GRM7: variants seen among roughly 807,000 people sequenced by gnomAD.
GRM7 encodes the protein glutamate metabotropic receptor 7.
Under a neutral mutation model 84.5 loss-of-function variants are expected in GRM7, and 35 were observed. The ratio of observed to expected loss-of-function variants is 0.41; its 90% CI spans 0.32 to 0.55. The LOEUF (loss-of-function observed/expected upper bound fraction) is 0.55. Ranked by LOEUF, GRM7 falls within the 20% of genes least tolerant of loss-of-function variation. GRM7 has a pLI of 0.19. For synonymous variants in GRM7, 487 were observed against 455.1 expected, an observed-to-expected ratio of 1.07 and a Z score of -0.89; for missense variants, 1,003 against 1,194.6, an observed-to-expected ratio of 0.84 and a Z score of 2.36.
intron 7 of GRM7, among the ~76,000 whole-genome samples, chr3:7,545,527 A>T (rs967559084): frequency 1.3e-5 from 2 of 152,204 alleles, no homozygotes; most frequent in African/African-American, 2.4e-5. Flanking sequence ...ACCTTGCACA[A>T]TGCAGTAGTG....
intron 1 of GRM7, among the ~76,000 whole-genome samples, chr3:7,054,310 C>A (rs1158279375): frequency 6.8e-6 from 1 of 147,404 alleles, no homozygotes; most frequent in African/African-American, 2.5e-5. Flanking sequence ...AAATATATAT[C>A]TTTTATGATA....
At chr3:7,398,001 C>A (rs1316167358) in intron 4 of GRM7, among the ~76,000 whole-genome samples, 2 of 151,964 alleles carry the variant, frequency 1.3e-5, no homozygotes, top group African/African-American at 2.4e-5. Context: ...AAACGAAACA[C>A]CAACCCCCCA....
intron 5 of GRM7, among the ~76,000 whole-genome samples, chr3:7,437,939 G>A (rs1484636309): frequency 6.6e-6 from 1 of 151,834 alleles, no homozygotes. Context: ...ATAGAAGAAA[G>A]AGGAAATTAG....
At chr3:7,167,197 T>G (rs565935026) in intron 2 of GRM7, among the ~76,000 whole-genome samples, 2 of 152,324 alleles carry the variant, frequency 1.3e-5, no homozygotes, top group East Asian at 3.9e-4. Context: ...CTTGTTTTTA[T>G]TATCGCCAAA....
intron 4 of GRM7, among the ~76,000 whole-genome samples, chr3:7,386,782 C>T (rs972887896): frequency 3.3e-5 from 5 of 152,124 alleles, no homozygotes; most frequent in African/African-American, 1.2e-4. Flanking sequence ...TGGGCATACA[C>T]CCAGTAATTG....
rs372176187 is a variant in GRM7, at chr3:6,983,435, G to A, written c.519+121528G>A. Among the ~76,000 whole-genome samples, 41 of 152,198 alleles carry A rather than the reference G, an allele frequency of 2.7e-4. 2 individuals are homozygous for A. The South Asian group carries it at 5.0e-3, about 18-fold the overall frequency. ...TAAGGAAACTTCAGGGGATGAATGG[G>A]GAAAAGGGTCACTATCCTTAATGAT... On this transcript the variant is annotated intron_variant, in intron 1 of 9. Coordinates refer to ENST00000357716, the MANE Select transcript of GRM7 (RefSeq NM_000844.4).
At chr3:7,591,335 C>A in intron 8 of GRM7, 1 of 207,762 alleles carries the variant, frequency 4.8e-6, no homozygotes, top group Non-Finnish European at 1.0e-5. Context: ...ATATAATTTT[C>A]AGTCTTCAGA....
At chr3:7,579,409 G>A in intron 8 of GRM7, 52 bp downstream of exon 8, 1 of 1,049,472 alleles carries the variant, frequency 9.5e-7, no homozygotes, top group Non-Finnish European at 1.4e-6. Flanking sequence ...GTTCATTTTT[G>A]TAAGTACTGA....
chr3:6,975,465 T>A (rs1241731820), intron 1 of GRM7, among the ~76,000 whole-genome samples: 1 of 152,178 alleles, frequency 6.6e-6, no homozygotes, highest in Non-Finnish European at 1.5e-5. Context: ...TCTCTAGGTT[T>A]CCATTTACTT....
chr3:7,584,285 G>T (rs1411354076), intron 8 of GRM7, among the ~76,000 whole-genome samples: 1 of 152,116 alleles, frequency 6.6e-6, no homozygotes, highest in African/African-American at 2.4e-5. Flanking sequence ...TTAACTTTTG[G>T]CAAGAGTCAC....
chr3:7,439,520 A>C (rs183427374), intron 5 of GRM7, among the ~76,000 whole-genome samples: 194 of 152,240 alleles, frequency 1.3e-3, no homozygotes, highest in African/African-American at 4.5e-3. Context: ...CCAACACCCA[A>C]AACTGTGGCA....
At chr3:7,663,311 C>T (rs1699544814) in intron 8 of GRM7, among the ~76,000 whole-genome samples, 6 of 152,170 alleles carry the variant, frequency 3.9e-5, no homozygotes, top group Admixed American at 3.9e-4. Flanking sequence ...CCACTCGGCA[C>T]AAGGAACTGG....
In GRM7 at chr3:7,438,058, C is replaced by T. The variant is rs77053846; in HGVS notation, c.1175-14549C>T. ...AAGGGAGTCAGATTACACTGAGCCT[C>T]GTAGACTATGCTGAGGTTCTGATTT... On this transcript the variant is annotated intron_variant, in intron 5 of 9. Transcript: ENST00000357716. 2.9e-3 allele frequency among the ~76,000 whole-genome samples: 446 copies of T among 152,046 alleles called. 1 individual carries two copies. The highest frequency in any genetic ancestry group is 0.019 in the East Asian group (98 of 5,138).
At chr3:7,558,230 G>A (rs1360829574) in intron 7 of GRM7, among the ~76,000 whole-genome samples, 1 of 151,898 alleles carries the variant, frequency 6.6e-6, no homozygotes, top group African/African-American at 2.4e-5. Context: ...AAGTTCAGGG[G>A]AATAATTCTT....
intron 1 of GRM7, among the ~76,000 whole-genome samples, chr3:6,974,351 G>A (rs1480336580): frequency 1.3e-5 from 2 of 152,164 alleles, no homozygotes; most frequent in Admixed American, 1.3e-4. Flanking sequence ...GAGTGAAAGG[G>A]TTCTGGGGGT....
At chr3:7,149,454 G>C (rs1694210517) in intron 2 of GRM7, among the ~76,000 whole-genome samples, 2 of 152,068 alleles carry the variant, frequency 1.3e-5, no homozygotes, top group Admixed American at 6.6e-5. Context: ...GAAAATAAAA[G>C]AAAAATTTAT....
intron 1 of GRM7, among the ~76,000 whole-genome samples, chr3:7,115,403 C>T (rs529622007): frequency 7.2e-5 from 11 of 152,174 alleles, no homozygotes; most frequent in East Asian, 1.9e-4. Context: ...GTGCTCTGAG[C>T]GTGCTAATTT....
intron 1 of GRM7, among the ~76,000 whole-genome samples, chr3:6,899,219 CACTT>C (rs1177357367): frequency 6.6e-6 from 1 of 152,122 alleles, no homozygotes. Flanking sequence ...TATCTTTTCT[CACTT>C]AGTTTTATCT....
At chr3:7,136,803 C>A (rs1036585576) in intron 1 of GRM7, among the ~76,000 whole-genome samples, 1 of 152,084 alleles carries the variant, frequency 6.6e-6, no homozygotes, top group Non-Finnish European at 1.5e-5. Flanking sequence ...AATGGGGAAA[C>A]AATGATGAGC....
Sources: gnomAD v4.1 joint callset for allele counts (sites outside exome capture counted in the v4.1 genomes callset) on GRCh38, gnomAD v4.1.1 for gene constraint, MANE v1.5 for transcripts, NCBI Gene and HGNC (gene_info 2026-07-23, HGNC 2026-07-21) for gene names.